The following PPEF1 variants were observed in gnomAD, a reference collection of about 807,000 sequenced individuals.
The protein encoded by PPEF1 is protein phosphatase with EF-hand domain 1.
A neutral mutation model predicts 53.3 loss-of-function variants in PPEF1; 12 were observed. The ratio of observed to expected loss-of-function variants is 0.23; its 90% CI spans 0.14 to 0.36. The LOEUF (loss-of-function observed/expected upper bound fraction) is 0.36, where lower values mean the gene tolerates loss of function less well. Among genes scored for constraint, PPEF1 ranks in the 10% least tolerant of loss-of-function variants. The pLI is 1.00. For missense variants in PPEF1, 334 were observed against 490.4 expected, an observed-to-expected ratio of 0.68 and a Z score of 3.01; for synonymous variants, 165 against 176.7, an observed-to-expected ratio of 0.93 and a Z score of 0.52.
rs919857431 is a variant in PPEF1, at chrX:18,729,706, C to T, written c.47-475C>T. Among the ~76,000 whole-genome samples, 16 of 112,191 alleles carry T rather than the reference C, an allele frequency of 1.4e-4. No homozygotes were observed. The East Asian group carries it at 4.2e-3, about 29-fold the overall frequency. On this transcript the variant is annotated intron_variant, in intron 1 of 15. Coordinates refer to ENST00000470157, the MANE Select transcript of PPEF1 (RefSeq NM_001377996.1). The stretch of plus-strand genomic sequence containing the variant: ...TGCCACAAAGAAGCAATTGCATCCC[C>T]ATATGTCTCCTTGATGGACTGTGTG...
chrX:18,752,727 C>CTTT (rs34251013), intron 4 of PPEF1, among the ~76,000 whole-genome samples: 5 of 97,013 alleles, frequency 5.2e-5, no homozygotes, highest in African/African-American at 1.5e-4. Flanking sequence ...TTGTCAAATG[C>CTTT]TTTTTTTTTT....
chrX:18,701,758 C>T (rs962955174), intron 6 of PPEF1, among the ~76,000 whole-genome samples: 1 of 112,519 alleles, frequency 8.9e-6, no homozygotes, highest in African/African-American at 3.2e-5. Flanking sequence ...TCCAGCTCTA[C>T]ATCCCCTGAA....
At chrX:18,766,051 G>A (rs1159991826) in intron 6 of PPEF1, among the ~76,000 whole-genome samples, 1 of 83,726 alleles carries the variant, frequency 1.2e-5, no homozygotes, top group Admixed American at 1.5e-4. Flanking sequence ...GGGGACAAGA[G>A]CAAAACTCTG....
At chrX:18,739,771 A>G (rs771942103) in intron 3 of PPEF1, among the ~76,000 whole-genome samples, 14 of 112,313 alleles carry the variant, frequency 1.2e-4, no homozygotes, top group African/African-American at 4.5e-4. Flanking sequence ...CTTGAGCTGC[A>G]ATGGGCTCCA....
chrX:18,718,833 C>T (rs1268392788), intron 1 of PPEF1, among the ~76,000 whole-genome samples: 2 of 112,048 alleles, frequency 1.8e-5, no homozygotes, highest in African/African-American at 3.2e-5. Flanking sequence ...ATATTCAGAA[C>T]GCTTTTCTTA....
chrX:18,796,248 G>A (rs938791058), intron 10 of PPEF1, among the ~76,000 whole-genome samples: 4 of 112,638 alleles, frequency 3.6e-5, no homozygotes, highest in Non-Finnish European at 7.5e-5. Flanking sequence ...GAGCCACTGT[G>A]CCCGGCCCCA....
chrX:18,722,734 AAAGACACAGAC>A (rs1227415819), intron 1 of PPEF1, among the ~76,000 whole-genome samples: 3 of 111,973 alleles, frequency 2.7e-5, no homozygotes, highest in Non-Finnish European at 3.8e-5. Context: ...ATTCTAGTGG[AAAGACACAGAC>A]AATGACAAAG....
In PPEF1 at chrX:18,740,299, T is replaced by G. The variant is rs1048433930; in HGVS notation, c.235+6491T>G. ...GAACTTCATTTTTCATCCACAAAAC[T>G]TTTTTGCTGAGAGATCAAAATATTT... On this transcript the variant is annotated intron_variant, in intron 3 of 15. Transcript: ENST00000470157. 3.6e-5 allele frequency among the ~76,000 whole-genome samples: 4 copies of G among 112,318 alleles called. No individual in the cohort carries two copies. The Admixed American group carries it at 3.8e-4, about 11-fold the overall frequency.
At chrX:18,810,282 C>G (rs1429505091) in intron 12 of PPEF1, among the ~76,000 whole-genome samples, 1 of 109,492 alleles carries the variant, frequency 9.1e-6, no homozygotes, top group East Asian at 2.9e-4. Context: ...ATTTTTGGAT[C>G]TGTACCTTTG....
chrX:18,789,056 A>C, intron 9 of PPEF1, 65 bp from the exon 10 acceptor site: 1 of 1,146,187 alleles, frequency 8.7e-7, no homozygotes, highest in Non-Finnish European at 1.2e-6. Flanking sequence ...CCCACCTGGG[A>C]CTGAAGTCTC....
chrX:18,794,280 C>A (rs1335306439), intron 10 of PPEF1, among the ~76,000 whole-genome samples: 1 of 102,266 alleles, frequency 9.8e-6, no homozygotes, highest in Non-Finnish European at 2.0e-5. Context: ...ACTAGTATCT[C>A]GGCACTACCA....
chrX:18,681,999 C>G (rs1305715242), upstream of PPEF1, among the ~76,000 whole-genome samples: 1 of 112,263 alleles, frequency 8.9e-6, no homozygotes, highest in African/African-American at 3.2e-5. Flanking sequence ...AAGCATAACA[C>G]CACCTAAGCG....
At chrX:18,777,407 CAAA>C (rs1264430861) in intron 6 of PPEF1, among the ~76,000 whole-genome samples, 1 of 112,804 alleles carries the variant, frequency 8.9e-6, no homozygotes, top group Non-Finnish European at 1.9e-5. Flanking sequence ...AGAAATCTAA[CAAA>C]AGAGGAATTT....
intron 3 of PPEF1, among the ~76,000 whole-genome samples, chrX:18,738,264 A>G (rs1256915306): frequency 2.3e-4 from 25 of 111,056 alleles, no homozygotes; most frequent in African/African-American, 7.2e-4. Flanking sequence ...GGCTGGTACC[A>G]GTTGTTCCTT....
intron 12 of PPEF1, among the ~76,000 whole-genome samples, chrX:18,812,061 C>T (rs1306247684): frequency 9.0e-6 from 1 of 111,498 alleles, no homozygotes; most frequent in Non-Finnish European, 1.9e-5. Context: ...GAAGGCATTG[C>T]CTAACTCAGA....
At chrX:18,675,541 C>T (rs1928641898), upstream of PPEF1, among the ~76,000 whole-genome samples, 1 of 112,949 alleles carries the variant, frequency 8.9e-6, no homozygotes, top group African/African-American at 3.2e-5. Flanking sequence ...CTCCCGAGGA[C>T]AGGCCTAGGG....
chrX:18,716,018 A>C (rs1249610535), intron 1 of PPEF1, among the ~76,000 whole-genome samples: 1 of 111,957 alleles, frequency 8.9e-6, no homozygotes, highest in Non-Finnish European at 1.9e-5. Context: ...GTATTTATTC[A>C]ATTTCTGTAA....
chrX:18,723,670 G>A (rs889337427), intron 1 of PPEF1, among the ~76,000 whole-genome samples: 1 of 111,806 alleles, frequency 8.9e-6, no homozygotes, highest in African/African-American at 3.3e-5. Flanking sequence ...ACATATAACT[G>A]TAGACAATGT....
chrX:18,686,978 T>C (rs1024687172), intron 3 of PPEF1, among the ~76,000 whole-genome samples: 3 of 111,525 alleles, frequency 2.7e-5, no homozygotes, highest in African/African-American at 9.8e-5. Flanking sequence ...TCCTGCATCA[T>C]GGTTTCGCTA....
Sources: allele counts gnomAD v4.1 joint callset (sites outside exome capture counted in the v4.1 genomes callset), GRCh38; gene constraint gnomAD v4.1.1; transcripts MANE v1.5; gene names NCBI Gene and HGNC (gene_info 2026-07-23, HGNC 2026-07-21).